CFAP99: variants seen among roughly 807,000 people sequenced by gnomAD.
CFAP99 encodes cilia and flagella associated protein 99, also known as cilia- and flagella-associated protein 99.
Under a neutral mutation model 82.7 loss-of-function variants are expected in CFAP99, and 84 were observed. That is an observed-to-expected ratio of 1.02 (90% CI 0.85 to 1.22). The LOEUF (loss-of-function observed/expected upper bound fraction) is 1.22. CFAP99 is among the 50% of genes most tolerant of loss of function. CFAP99 has a pLI of 0.00. For synonymous variants in CFAP99, 456 were observed against 429.5 expected (o/e 1.06, Z -0.76); for missense variants, 1,059 against 983.5 (o/e 1.08, Z -1.03).
intron 5 of CFAP99, among the ~76,000 whole-genome samples, chr4:2,444,045 C>T (rs1198543035): frequency 6.6e-6 from 1 of 152,110 alleles, no homozygotes; most frequent in Non-Finnish European, 1.5e-5. Flanking sequence ...GACCTGGAGG[C>T]CCAGGGGAGA....
At chr4:2,458,667 C>G in intron 11 of CFAP99, 56 bp from the exon 12 acceptor site, 1 of 1,499,668 alleles carries the variant, frequency 6.7e-7, no homozygotes, top group Non-Finnish European at 8.9e-7. Flanking sequence ...GGGGCGGGAC[C>G]AGGCAGGGAA....
chr4:2,450,878 C>G (rs1365952815), intron 8 of CFAP99, 69 bp from the exon 9 acceptor site: 3 of 1,341,596 alleles, frequency 2.2e-6, no homozygotes, highest in East Asian at 2.5e-5. Context: ...CAGCATCCAC[C>G]TGGTATGTGT....
intron 11 of CFAP99, among the ~76,000 whole-genome samples, chr4:2,453,646 T>G (rs1734356804): frequency 1.5e-5 from 1 of 66,616 alleles, no homozygotes; most frequent in East Asian, 4.6e-4. Flanking sequence ...AATGTCCACA[T>G]ATACATATAT....
At chr4:2,443,101 G>A (rs564865974) in intron 4 of CFAP99, 29 bp from the exon 5 acceptor site, 146 of 1,280,814 alleles carry the variant, frequency 1.1e-4, no homozygotes, top group East Asian at 2.3e-4. Flanking sequence ...CCAGGGCTCC[G>A]GCCCCCTGAC....
chr4:2,421,470 C>T (rs923114202), intron 1 of CFAP99, among the ~76,000 whole-genome samples: 13 of 151,514 alleles, frequency 8.6e-5, no homozygotes, highest in African/African-American at 3.2e-4. Flanking sequence ...TTCTCTGCCT[C>T]AGCCTCCCAA....
chr4:2,438,197 A>C (rs1371487431), intron 4 of CFAP99, 33 bp downstream of exon 4: 7 of 1,307,556 alleles, frequency 5.4e-6, no homozygotes, highest in Non-Finnish European at 7.5e-6. Context: ...CCAGGCCACG[A>C]GGCCCACGGG....
chr4:2,450,062 GA>G (rs1734267975), intron 8 of CFAP99, 57 bp downstream of exon 8: 8 of 1,506,038 alleles, frequency 5.3e-6, no homozygotes, highest in Non-Finnish European at 7.1e-6. Context: ...CAAGCCATCA[GA>G]AAGTTCCTCC....
chr4:2,454,595 T>TTTTTTTTTTTTTTTTTTTTTTTTTGG (rs1734384944), intron 11 of CFAP99, among the ~76,000 whole-genome samples: 1 of 107,950 alleles, frequency 9.3e-6, no homozygotes, highest in Admixed American at 8.8e-5. Context: ...TTTTTTTTTG[T>TTTTTTTTTTTTTTTTTTTTTTTTTGG]TTTTTTTTTT....
chr4:2,459,039 G>A, intron 12 of CFAP99, 68 bp from the exon 13 acceptor site: 2 of 1,453,964 alleles, frequency 1.4e-6, no homozygotes, highest in Admixed American at 5.1e-5. Context: ...CCCTGGGGGA[G>A]GTGCCTTCCT....
chr4:2,423,049 C>G (rs1180871042), intron 1 of CFAP99, among the ~76,000 whole-genome samples: 4 of 152,172 alleles, frequency 2.6e-5, no homozygotes, highest in Admixed American at 2.6e-4. Flanking sequence ...CTGACCCTGG[C>G]GAAGATGGGG....
chr4:2,438,843 T>C (rs1424227240), intron 4 of CFAP99, among the ~76,000 whole-genome samples: 1 of 152,202 alleles, frequency 6.6e-6, no homozygotes, highest in African/African-American at 2.4e-5. Flanking sequence ...TGTGCTGCTT[T>C]TGTCCTGGGG....
intron 3 of CFAP99, 91 bp downstream of exon 3, chr4:2,437,109 G>A: frequency 1.4e-6 from 2 of 1,448,200 alleles, no homozygotes; most frequent in Non-Finnish European, 1.9e-6. Flanking sequence ...CAGCGGGCAG[G>A]CGGGGCCAGC....
intron 10 of CFAP99, 123 bp from the exon 11 acceptor site, chr4:2,452,019 C>T (rs1734313706): frequency 1.0e-6 from 1 of 953,250 alleles, no homozygotes; most frequent in Admixed American, 2.1e-5. Flanking sequence ...GGCCACGCAG[C>T]TGGGTGTCAG....
chr4:2,463,000 C>A, downstream of CFAP99: 1 of 837,762 alleles, frequency 1.2e-6, no homozygotes, highest in Non-Finnish European at 1.6e-6. The surrounding 1 kb of genome is among the most constrained non-coding windows in gnomAD (Gnocchi z 4.1). Context: ...GTGCGGCCCG[C>A]GGTGCGCGCC....
chr4:2,454,087 C>T (rs184689683), intron 11 of CFAP99, among the ~76,000 whole-genome samples: 10 of 152,244 alleles, frequency 6.6e-5, no homozygotes, highest in Admixed American at 6.5e-4. Flanking sequence ...CAACCTCCAC[C>T]TCCTGGGTTT....
intron 8 of CFAP99, among the ~76,000 whole-genome samples, chr4:2,450,677 AGTT>A (rs1734280919): frequency 6.6e-6 from 1 of 152,202 alleles, no homozygotes; most frequent in Non-Finnish European, 1.5e-5. Flanking sequence ...CCTGAGGCCA[AGTT>A]GTCCTGACTG....
chr4:2,443,329 C>T (rs1333957218), intron 5 of CFAP99, 87 bp downstream of exon 5: 3 of 775,224 alleles, frequency 3.9e-6, no homozygotes, highest in African/African-American at 1.7e-5. Context: ...CTCCACGTTC[C>T]CCTTCCTGCT....
chr4:2,460,168 G>C lies in CFAP99; in HGVS notation c.1587G>C (p.Lys529Asn). ...AAATCATTCAGGGCAAGCACACCAA[G>C]AGCCAGGAACTGCAGAACATGGTGG... The change falls in exon 14 of 15, where the codon AAG becomes AAC. Residue 529 changes from lysine (K) to asparagine (N), a missense_variant. Coordinates refer to ENST00000635017, the Ensembl canonical transcript of CFAP99. The C allele has an allele frequency of 2.0e-6, 3 of 1,536,158 alleles. No homozygotes were observed. Among genetic ancestry groups the C allele is most frequent in the African/African-American group, 1.4e-5 (1 of 73,164 alleles).
chr4:2,458,338 T>C (rs1376267963), intron 11 of CFAP99, among the ~76,000 whole-genome samples: 1 of 152,178 alleles, frequency 6.6e-6, no homozygotes, highest in Non-Finnish European at 1.5e-5. Flanking sequence ...GCCGTAAATA[T>C]AGAACAGGGT....
Sources: gnomAD v4.1 joint callset for allele counts (sites outside exome capture counted in the v4.1 genomes callset) on GRCh38, gnomAD v4.1.1 for gene constraint, Gnocchi (gnomAD v3.1) non-coding constraint, MANE v1.5 for transcripts, NCBI Gene and HGNC (gene_info 2026-07-23, HGNC 2026-07-21) for gene names.